Variants in TRIM62 observed in about 807,000 individuals in gnomAD.
The protein encoded by TRIM62 is E3 ubiquitin-protein ligase TRIM62.
Under a neutral mutation model 44.2 loss-of-function variants are expected in TRIM62, and 39 were observed. That is an observed-to-expected ratio of 0.88 (90% CI 0.68 to 1.15). The LOEUF is 1.15. TRIM62 is among the 50% of genes most tolerant of loss of function. TRIM62 has a pLI of 0.00. For missense variants in TRIM62, 544 were observed against 665.5 expected (o/e 0.82, Z 2.01); for synonymous variants, 278 against 292.3 (o/e 0.95, Z 0.50).
At position 33,165,420 on chromosome 1, in the gene TRIM62, G is replaced by T; in HGVS notation, c.504+51C>A. ...TCCCCAGCTGGCCCCGCCCCTCGAA[G>T]CCCTGCCCTCATCTCTGCCGGCCCC... On this transcript the variant is annotated intron_variant, in intron 2 of 4. Transcript: ENST00000291416. This position sits in a 1 kb window ranked among gnomAD's most constrained non-coding sequence, Gnocchi z 4.0. 3 of 1,465,736 alleles carry T rather than the reference G, an allele frequency of 2.0e-6. No individual in the cohort carries two copies. Among genetic ancestry groups the T allele is most frequent in the Non-Finnish European group, 2.8e-6 (3 of 1,080,442 alleles). The allele number at this position is 1,465,736 out of a possible 1,614,324, so 90.8% of individuals were successfully genotyped here. A position where few individuals can be genotyped will look rare whatever the true frequency, so the allele number is the denominator to read the frequency against.
At chr1:33,166,760 A>T (rs1265515644) in intron 1 of TRIM62, among the ~76,000 whole-genome samples, 1 of 152,142 alleles carries the variant, frequency 6.6e-6, no homozygotes, top group Non-Finnish European at 1.5e-5. Context: ...AACACACAAG[A>T]TATCAAAATT....
At chr1:33,158,653 C>T (rs1044493023) in intron 3 of TRIM62, among the ~76,000 whole-genome samples, 2 of 152,192 alleles carry the variant, frequency 1.3e-5, no homozygotes, top group African/African-American at 4.8e-5. Flanking sequence ...TGCTCGGTCA[C>T]GGTCAATGCC....
chr1:33,157,571 G>A (rs1474319115), intron 4 of TRIM62, among the ~76,000 whole-genome samples: 1 of 152,070 alleles, frequency 6.6e-6, no homozygotes, highest in African/African-American at 2.4e-5. Context: ...ACCCTAGGAT[G>A]TAAGATGCGT....
Position 33,177,270 on chromosome 1 carries a change from A to G in TRIM62, c.408+3755T>C, listed in dbSNP as rs773876388. ...GCTCTGCTTCTTATGTTAATTTTAT[A>G]ATCAGAATAAAGACATTTAAAAATA... On this transcript the variant is annotated intron_variant, in intron 1 of 4. Transcript: ENST00000291416. This position sits in a 1 kb window ranked among gnomAD's most constrained non-coding sequence, Gnocchi z 4.1. Among the ~76,000 whole-genome samples, 2 of 152,216 alleles carry G rather than the reference A, an allele frequency of 1.3e-5. No homozygotes were observed. The highest frequency in any genetic ancestry group is 2.9e-5 in the Non-Finnish European group (2 of 68,040).
chr1:33,168,742 G>T (rs1224369446), intron 1 of TRIM62, among the ~76,000 whole-genome samples: 2 of 152,216 alleles, frequency 1.3e-5, no homozygotes, highest in Non-Finnish European at 2.9e-5. Flanking sequence ...CCGCTCCTCA[G>T]GTGCCTCTGA....
intron 4 of TRIM62, among the ~76,000 whole-genome samples, chr1:33,151,353 A>G (rs895755614): frequency 6.6e-6 from 1 of 152,012 alleles, no homozygotes; most frequent in African/African-American, 2.4e-5. Context: ...GGAGACTTCT[A>G]TACCCCAAGG....
At chr1:33,174,006 CT>C (rs903555527) in intron 1 of TRIM62, among the ~76,000 whole-genome samples, 2 of 151,836 alleles carry the variant, frequency 1.3e-5, no homozygotes, top group African/African-American at 4.8e-5. Context: ...TGCTTAGCCT[CT>C]TTTTAAAAAA....
chr1:33,168,672 G>C (rs907709634), intron 1 of TRIM62, among the ~76,000 whole-genome samples: 5 of 152,256 alleles, frequency 3.3e-5, no homozygotes, highest in African/African-American at 4.8e-5. Flanking sequence ...TTCGTGTGCA[G>C]CTTGAGCGGA....
At position 33,167,193 on chromosome 1, in the gene TRIM62, C is replaced by T. The variant is rs928112029; in HGVS notation, c.409-1627G>A. On this transcript the variant is annotated intron_variant, in intron 1 of 4. Transcript: ENST00000291416. This position sits in a 1 kb window ranked among gnomAD's most constrained non-coding sequence, Gnocchi z 4.2. The stretch of plus-strand genomic sequence containing the variant: ...TGAAGAGTCTTGCCTGACCGCCCCA[C>T]GCACAGTGGCACCTCCTCATACCCT... Among the ~76,000 whole-genome samples, 10 of 152,208 alleles carry T rather than the reference C, an allele frequency of 6.6e-5. No individual in the cohort carries two copies. Among genetic ancestry groups the T allele is most frequent in the East Asian group, 1.9e-4 (1 of 5,194 alleles).
At chr1:33,168,603 C>T (rs1645349138) in intron 1 of TRIM62, among the ~76,000 whole-genome samples, 1 of 152,250 alleles carries the variant, frequency 6.6e-6, no homozygotes, top group South Asian at 2.1e-4. Flanking sequence ...CGCACCCCAT[C>T]TGACTGCAGC....
chr1:33,180,957 C>T (rs1645456461), intron 1 of TRIM62, 68 bp downstream of exon 1: 2 of 413,418 alleles, frequency 4.8e-6, no homozygotes, highest in African/African-American at 2.2e-5. Flanking sequence ...CAGCCCTGAC[C>T]CCACCCCCCG....
In TRIM62 at chr1:33,181,476, C is replaced by G; in HGVS notation, c.-44G>C. 1 of 1,531,896 alleles carries G rather than the reference C, an allele frequency of 6.5e-7. No homozygotes were observed. Among genetic ancestry groups the G allele is most frequent in the Non-Finnish European group, 8.7e-7 (1 of 1,149,702 alleles). 94.9% of individuals were successfully genotyped at this position (1,531,896 alleles called of 1,614,324 possible). A position where few individuals can be genotyped will look rare whatever the true frequency, so the allele number is the denominator to read the frequency against. On this transcript the variant is annotated 5_prime_UTR_variant, in exon 1 of 5. Transcript: ENST00000291416. The surrounding 1 kb of genome is among the most constrained non-coding windows in gnomAD (Gnocchi z 6.5). ...GAGGGGGGCCCGAGGGGCAGGGGGGCGGCTGAGAGAGCGCGGCGCTGTCGG... is the reference window on the plus strand; with the variant it reads ...GAGGGGGGCCCGAGGGGCAGGGGGGGGGCTGAGAGAGCGCGGCGCTGTCGG...
At chr1:33,168,023 C>T (rs560168724) in intron 1 of TRIM62, among the ~76,000 whole-genome samples, 7 of 152,148 alleles carry the variant, frequency 4.6e-5, no homozygotes, top group African/African-American at 9.6e-5. Context: ...AATAAAGGAG[C>T]GAGGTTACCA....
Position 33,147,337 on chromosome 1 carries a change from T to A in TRIM62, c.1268A>T (p.Asp423Val), listed in dbSNP as rs772814762. 4 of 1,614,052 alleles carry A rather than the reference T, an allele frequency of 2.5e-6. No homozygotes were observed. The highest frequency in any genetic ancestry group is 3.4e-6 in the Non-Finnish European group (4 of 1,180,036). The stretch of plus-strand genomic sequence containing the variant: ...ATTGTAGAAGATGAGCAAGCCTTGG[T>A]CATAGTCCAGGAAGACACCCACCTT... ...LDKVGVFLDYDQGLLIFYNAD... is the reference protein window; with the variant it reads ...LDKVGVFLDYVQGLLIFYNAD... The change falls in exon 5 of 5, where the codon GAC becomes GTC. Residue 423 changes from aspartate (D) to valine (V), a missense_variant. Coordinates refer to ENST00000291416, the MANE Select transcript of TRIM62 (RefSeq NM_018207.3). The surrounding 1 kb of genome is among the most constrained non-coding windows in gnomAD (Gnocchi z 8.1).
Position 33,145,629 on chromosome 1 carries a change from A to G in TRIM62, c.*1548T>C, listed in dbSNP as rs1202783623. On this transcript the variant is annotated 3_prime_UTR_variant, in exon 5 of 5. Coordinates refer to ENST00000291416, the MANE Select transcript of TRIM62 (RefSeq NM_018207.3). ...TTTGGGATGGTGTGTTGTGTCAGAG[A>G]CCCCAAGTGCAGAATCTAGGCCCCA... The G allele has an allele frequency of 3.9e-6, 1 of 259,106 alleles. No homozygotes were observed. Among genetic ancestry groups the G allele is most frequent in the East Asian group, 1.1e-4 (1 of 8,780 alleles). The allele number at this position is 259,106 out of a possible 1,614,324, so 16.1% of individuals were successfully genotyped here.
chr1:33,176,190 C>T (rs1300956293), intron 1 of TRIM62, among the ~76,000 whole-genome samples: 4 of 152,222 alleles, frequency 2.6e-5, no homozygotes, highest in Non-Finnish European at 4.4e-5. Context: ...AAATAAAGTG[C>T]CTCTGAATCT....
chr1:33,158,623 T>C (rs1645214906), intron 3 of TRIM62, among the ~76,000 whole-genome samples: 2 of 152,218 alleles, frequency 1.3e-5, no homozygotes, highest in African/African-American at 4.8e-5. Context: ...TGGCATAACA[T>C]ATACAGATGC....
intron 1 of TRIM62, among the ~76,000 whole-genome samples, chr1:33,179,034 T>C (rs1645441669): frequency 6.6e-6 from 1 of 152,244 alleles, no homozygotes; most frequent in Admixed American, 6.5e-5. Flanking sequence ...GCTCTCTCAC[T>C]GTCTGGAAGT....
intron 1 of TRIM62, 131 bp downstream of exon 1, chr1:33,180,894 C>G (rs1645455891): frequency 1.6e-6 from 1 of 640,640 alleles, no homozygotes; most frequent in South Asian, 2.0e-5. Flanking sequence ...AGGGCCCTGA[C>G]CTTGCTGGCG....
Sources: gnomAD v4.1 joint callset for allele counts (sites outside exome capture counted in the v4.1 genomes callset) on GRCh38, gnomAD v4.1.1 for gene constraint, Gnocchi (gnomAD v3.1) non-coding constraint, MANE v1.5 for transcripts, NCBI Gene and HGNC (gene_info 2026-07-23, HGNC 2026-07-21) for gene names.